Variants in GNA14 observed in about 807,000 individuals in gnomAD.
The protein encoded by GNA14 is G protein subunit alpha 14, also known as guanine nucleotide-binding protein subunit alpha-14.
Under a neutral mutation model 42.0 loss-of-function variants are expected in GNA14, and 50 were observed. The observed-to-expected ratio is 1.19, with a 90% CI of 0.95 to 1.51. The LOEUF (loss-of-function observed/expected upper bound fraction) is 1.51, where lower values mean the gene tolerates loss of function less well. Among genes scored for constraint, GNA14 ranks in the 40% most tolerant of loss-of-function variants. GNA14 has a pLI of 0.00. For missense variants in GNA14, 473 were observed against 446.2 expected, an observed-to-expected ratio of 1.06 and a Z score of -0.54; for synonymous variants, 173 against 163.1, an observed-to-expected ratio of 1.06 and a Z score of -0.46.
intron 1 of GNA14, among the ~76,000 whole-genome samples, chr9:77,634,492 G>GAAGA (rs1325713885): frequency 4.8e-4 from 71 of 148,652 alleles, no homozygotes; most frequent in African/African-American, 1.5e-3. Flanking sequence ...AGGAAGGAAG[G>GAAGA]AAGGGAGTGA....
At position 77,424,060 on chromosome 9, in the gene GNA14, A is replaced by G; in HGVS notation, c.987T>C (p.Asp329=). The change falls in exon 7 of 7, where the codon GAT becomes GAC. Residue 329 remains aspartate, a synonymous_variant. Transcript: ENST00000341700. ...VIYSHFTCAT[D]TDNIRFVFAA... is the part of the protein sequence containing the mutation. The stretch of plus-strand genomic sequence containing the variant: ...CAAACACAAAGCGAATATTGTCTGT[A>G]TCTGTAGCACATGTGAAGTGAGAGT... The G allele has an allele frequency of 1.2e-6, 2 of 1,612,236 alleles. No homozygotes were observed. The highest frequency in any genetic ancestry group is 1.1e-5 in the South Asian group (1 of 90,728).
intron 1 of GNA14, 123 bp from the exon 2 acceptor site, chr9:77,529,376 G>C: frequency 1.3e-6 from 1 of 786,532 alleles, no homozygotes; most frequent in South Asian, 1.6e-5. Flanking sequence ...GTTGGATTTG[G>C]AAGGGACTGC....
intron 1 of GNA14, among the ~76,000 whole-genome samples, chr9:77,536,352 T>TG (rs370214122): frequency 0.023 from 3,465 of 152,162 alleles, 160 homozygotes; most frequent in African/African-American, 0.077. Flanking sequence ...TAGGTTTTTT[T>TG]TGTGTGTGTG....
At chr9:77,640,751 C>A (rs1564073395) in intron 1 of GNA14, among the ~76,000 whole-genome samples, 1 of 149,458 alleles carries the variant, frequency 6.7e-6, no homozygotes, top group Non-Finnish European at 1.5e-5. Context: ...TTAAAAGATC[C>A]AGTTCTCCAA....
intron 1 of GNA14, among the ~76,000 whole-genome samples, chr9:77,603,315 C>T (rs1587844722): frequency 6.6e-6 from 1 of 152,164 alleles, no homozygotes; most frequent in East Asian, 1.9e-4. Context: ...CCCAACCACA[C>T]ATTTTATCTG....
At chr9:77,571,785 G>A (rs1269719413) in intron 1 of GNA14, among the ~76,000 whole-genome samples, 1 of 150,986 alleles carries the variant, frequency 6.6e-6, no homozygotes, top group East Asian at 1.9e-4. Context: ...TAAGTGCTGT[G>A]AATACACAGG....
At chr9:77,587,720 T>C (rs1823327508) in intron 1 of GNA14, among the ~76,000 whole-genome samples, 2 of 152,230 alleles carry the variant, frequency 1.3e-5, no homozygotes, top group Non-Finnish European at 2.9e-5. Context: ...AGTGTTTGCA[T>C]AGTACTGTGA....
chr9:77,568,420 A>G (rs2131794360), intron 1 of GNA14, among the ~76,000 whole-genome samples: 1 of 151,392 alleles, frequency 6.6e-6, no homozygotes, highest in Non-Finnish European at 1.5e-5. Context: ...TGAACCCAGG[A>G]GGTGGAGGTT....
intron 1 of GNA14, among the ~76,000 whole-genome samples, chr9:77,556,724 C>T (rs1822786633): frequency 1.3e-5 from 2 of 152,104 alleles, no homozygotes; most frequent in South Asian, 4.1e-4. Flanking sequence ...CACTAATGTG[C>T]CCTACCACCA....
At chr9:77,550,271 G>T (rs1463150764) in intron 1 of GNA14, among the ~76,000 whole-genome samples, 4 of 152,038 alleles carry the variant, frequency 2.6e-5, no homozygotes, top group Non-Finnish European at 5.9e-5. Context: ...TTCAGCCTCG[G>T]TATATTTTGG....
rs1564067887 is a variant in GNA14 at position 77,618,623 on chromosome 9, T to TTA, written c.124+29046_124+29047insTA. On this transcript the variant is annotated intron_variant, in intron 1 of 6. Coordinates refer to ENST00000341700, the MANE Select transcript of GNA14 (RefSeq NM_004297.4). ...ATATATATATATATATATATATATT[T>TTA]TTTTTTTTTTTTTTTTTTTTTTTTT... Among the ~76,000 whole-genome samples the TTA allele has an allele frequency of 4.3e-4, 11 of 25,356 alleles. 1 individual carries two copies. Among genetic ancestry groups the TTA allele is most frequent in the Non-Finnish European group, 5.4e-4 (8 of 14,882 alleles). 16.6% of individuals were successfully genotyped at this position (25,356 alleles called of 152,430 possible). A position where few individuals can be genotyped will look rare whatever the true frequency, so the allele number is the denominator to read the frequency against.
chr9:77,494,202 G>A (rs768098971), intron 2 of GNA14, among the ~76,000 whole-genome samples: 5 of 152,090 alleles, frequency 3.3e-5, no homozygotes, highest in Non-Finnish European at 7.4e-5. Context: ...TTACAGGTGT[G>A]AGCCACCGTG....
chr9:77,543,169 T>G (rs1236592760), intron 1 of GNA14, among the ~76,000 whole-genome samples: 1 of 152,116 alleles, frequency 6.6e-6, no homozygotes, highest in Non-Finnish European at 1.5e-5. Context: ...GCAGCAGAAG[T>G]GGTGTTGGCC....
chr9:77,430,603 G>A (rs893782605), intron 4 of GNA14, among the ~76,000 whole-genome samples: 2 of 152,152 alleles, frequency 1.3e-5, no homozygotes, highest in African/African-American at 2.4e-5. Flanking sequence ...AGCTATAACT[G>A]GGGATCAGAC....
At chr9:77,561,491 G>A (rs1822882823) in intron 1 of GNA14, among the ~76,000 whole-genome samples, 1 of 152,092 alleles carries the variant, frequency 6.6e-6, no homozygotes, top group Non-Finnish European at 1.5e-5. Context: ...AGCACAATGT[G>A]GTATATACAT....
chr9:77,624,164 C>G (rs1823977811), intron 1 of GNA14, among the ~76,000 whole-genome samples: 2 of 152,186 alleles, frequency 1.3e-5, no homozygotes, highest in South Asian at 4.1e-4. Context: ...GAAGTTCCAA[C>G]AGAGCAGATC....
At chr9:77,611,990 C>A (rs544404917) in intron 1 of GNA14, among the ~76,000 whole-genome samples, 17 of 152,016 alleles carry the variant, frequency 1.1e-4, no homozygotes, top group African/African-American at 4.1e-4. Context: ...GAAGCATTAA[C>A]ATCAAAGAAA....
At chr9:77,628,276 C>T (rs941570034) in intron 1 of GNA14, among the ~76,000 whole-genome samples, 4 of 151,148 alleles carry the variant, frequency 2.6e-5, no homozygotes, top group Non-Finnish European at 5.9e-5. Flanking sequence ...TTCATGCTCA[C>T]GGATAGAACC....
intron 1 of GNA14, among the ~76,000 whole-genome samples, chr9:77,546,685 A>G (rs982936177): frequency 6.6e-6 from 1 of 152,164 alleles, no homozygotes; most frequent in Non-Finnish European, 1.5e-5. Context: ...TTTTCAATGT[A>G]TCTCTTACTG....
Sources: allele counts gnomAD v4.1 joint callset (sites outside exome capture counted in the v4.1 genomes callset), GRCh38; gene constraint gnomAD v4.1.1; transcripts MANE v1.5; gene names NCBI Gene and HGNC (gene_info 2026-07-23, HGNC 2026-07-21).